The following CSMD3 variants were observed in gnomAD, a reference collection of about 807,000 sequenced individuals.
CSMD3 encodes the protein CUB and Sushi multiple domains 3, also known as CUB and sushi domain-containing protein 3.
A neutral mutation model predicts 435.2 loss-of-function variants in CSMD3; 177 were observed. The ratio of observed to expected loss-of-function variants is 0.41; its 90% CI spans 0.36 to 0.46. The LOEUF is 0.46. Ranked by LOEUF, CSMD3 falls within the 20% of genes least tolerant of loss-of-function variation. CSMD3 has a pLI of 0.34. For missense variants in CSMD3, 4,265 were observed against 4,504.6 expected, an observed-to-expected ratio of 0.95 and a Z score of 1.52; for synonymous variants, 1,656 against 1,520.5, an observed-to-expected ratio of 1.09 and a Z score of -2.07.
At chr8:112,540,186 C>T (rs1826525688) in intron 27 of CSMD3, among the ~76,000 whole-genome samples, 1 of 151,730 alleles carries the variant, frequency 6.6e-6, no homozygotes, top group Non-Finnish European at 1.5e-5. Context: ...GAAAAAAATG[C>T]TTAACATTAC....
intron 5 of CSMD3, among the ~76,000 whole-genome samples, chr8:113,089,060 T>C (rs1327976574): frequency 6.6e-6 from 1 of 152,072 alleles, no homozygotes; most frequent in South Asian, 2.1e-4. Flanking sequence ...CTTTTGGAGA[T>C]AGGGTCTTGC....
intron 32 of CSMD3, among the ~76,000 whole-genome samples, chr8:112,448,795 G>T (rs1357274833): frequency 9.3e-5 from 14 of 150,516 alleles, no homozygotes; most frequent in African/African-American, 2.9e-4. Flanking sequence ...ACCTCTACTG[G>T]AGTTCTAGGA....
At chr8:113,183,536 G>T (rs2092453898) in intron 3 of CSMD3, among the ~76,000 whole-genome samples, 1 of 151,890 alleles carries the variant, frequency 6.6e-6, no homozygotes, top group South Asian at 2.1e-4. Context: ...TGGCCCCAAG[G>T]CTGCCTTCCA....
chr8:112,947,595 A>C (rs2083656739), intron 9 of CSMD3, among the ~76,000 whole-genome samples, 195 bp downstream of exon 9: 2 of 151,778 alleles, frequency 1.3e-5, no homozygotes, highest in Non-Finnish European at 3.0e-5. Flanking sequence ...ACTAAAAAAA[A>C]AGTGTTCTAA....
intron 28 of CSMD3, among the ~76,000 whole-genome samples, chr8:112,511,392 T>C (rs1431892115): frequency 5.6e-4 from 78 of 140,282 alleles, no homozygotes; most frequent in South Asian, 2.3e-3. Flanking sequence ...TTCTTTTTTT[T>C]TTTTTTTTTT....
intron 32 of CSMD3, among the ~76,000 whole-genome samples, chr8:112,420,681 AC>A: frequency 6.6e-6 from 1 of 152,318 alleles, no homozygotes; most frequent in African/African-American, 2.4e-5. Context: ...ACAAAATTTT[AC>A]TGGCATCTAG....
chr8:113,111,431 A>C (rs930398851), intron 4 of CSMD3, among the ~76,000 whole-genome samples: 5 of 152,048 alleles, frequency 3.3e-5, no homozygotes, highest in African/African-American at 4.8e-5. Flanking sequence ...TGTGCAATAG[A>C]TCTTAAAACT....
At chr8:113,204,777 T>G (rs1020154928) in intron 3 of CSMD3, among the ~76,000 whole-genome samples, 1 of 152,196 alleles carries the variant, frequency 6.6e-6, no homozygotes, top group Non-Finnish European at 1.5e-5. Context: ...GTATTCAGTA[T>G]GGTAACATGC....
intron 42 of CSMD3, among the ~76,000 whole-genome samples, chr8:112,337,957 A>C (rs1439366589): frequency 6.6e-6 from 1 of 152,206 alleles, no homozygotes; most frequent in Non-Finnish European, 1.5e-5. Context: ...ATAAAAACGC[A>C]TGCTTTCTTC....
chr8:113,110,007 G>A (rs1312011118), intron 4 of CSMD3, among the ~76,000 whole-genome samples: 1 of 152,202 alleles, frequency 6.6e-6, no homozygotes, highest in African/African-American at 2.4e-5. Flanking sequence ...GTTTCCATAA[G>A]TATCCCCAGT....
At chr8:112,798,832 T>C (rs2078890656) in intron 13 of CSMD3, among the ~76,000 whole-genome samples, 2 of 151,964 alleles carry the variant, frequency 1.3e-5, no homozygotes, top group South Asian at 4.1e-4. Flanking sequence ...CACAGGAATA[T>C]AAGAATGCCA....
chr8:112,898,867 C>T (rs992065179), intron 10 of CSMD3, among the ~76,000 whole-genome samples: 2 of 151,018 alleles, frequency 1.3e-5, no homozygotes, highest in African/African-American at 4.8e-5. Context: ...TTGGACAACA[C>T]CAAGGGAAAC....
At position 112,406,677 on chromosome 8, in the gene CSMD3, A is replaced by G; in HGVS notation, c.5656T>C (p.Phe1886Leu). 6.2e-7 allele frequency: 1 copy of G among 1,612,046 alleles called. No homozygotes were observed. The highest frequency in any genetic ancestry group is 8.5e-7 in the Non-Finnish European group (1 of 1,178,580). Residue 1886 changes from phenylalanine to leucine, a missense_variant, in exon 35 of 71, where the codon TTC becomes CTC. This residue lies in a region of CSMD3 where 3,255 missense variants were observed against 3,380.2 expected (regional missense o/e 0.96). Coordinates refer to ENST00000297405, the MANE Select transcript of CSMD3 (RefSeq NM_198123.2). ...AATTCATTGCCAATTCTTCTTCCGAATCTTGGTTCAGGCACAGAACTGCAT... is the reference window on the plus strand; with the variant it reads ...AATTCATTGCCAATTCTTCTTCCGAGTCTTGGTTCAGGCACAGAACTGCAT... ...TQCSSVPEPR[F>L]GRRIGNEFAV...
At chr8:112,355,429 A>G (rs938806945) in intron 38 of CSMD3, among the ~76,000 whole-genome samples, 1 of 152,206 alleles carries the variant, frequency 6.6e-6, no homozygotes, top group Non-Finnish European at 1.5e-5. Context: ...AGAATGGGAG[A>G]AAATGTTCAT....
intron 63 of CSMD3, among the ~76,000 whole-genome samples, 167 bp downstream of exon 63, chr8:112,254,086 T>A (rs1815548655): frequency 6.6e-6 from 1 of 152,044 alleles, no homozygotes; most frequent in Non-Finnish European, 1.5e-5. Flanking sequence ...AATTTTTTTT[T>A]CTAATTTCCT....
At chr8:112,870,260 G>A (rs2081094680) in intron 10 of CSMD3, among the ~76,000 whole-genome samples, 1 of 150,354 alleles carries the variant, frequency 6.7e-6, no homozygotes. Context: ...TCTCACGTCA[G>A]TCAGAATGGC....
intron 13 of CSMD3, among the ~76,000 whole-genome samples, chr8:112,788,486 T>C (rs28606505): frequency 0.38 from 58,163 of 151,924 alleles, 12,612 homozygotes; most frequent in African/African-American, 0.6. Context: ...TCACCGCCTC[T>C]GGAAATCTTT....
At chr8:112,935,655 C>G (rs1034651120) in intron 9 of CSMD3, among the ~76,000 whole-genome samples, 1 of 151,100 alleles carries the variant, frequency 6.6e-6, no homozygotes, top group African/African-American at 2.4e-5. Context: ...GCTATAATGA[C>G]TGGATTAGAG....
chr8:112,352,917 C>T (rs986319379), intron 38 of CSMD3, among the ~76,000 whole-genome samples: 2 of 151,498 alleles, frequency 1.3e-5, no homozygotes, highest in African/African-American at 4.8e-5. Flanking sequence ...ACTTTAAAAA[C>T]ATTCTTAGCA....
Sources: gnomAD v4.1 joint callset for allele counts (sites outside exome capture counted in the v4.1 genomes callset) on GRCh38, gnomAD v4.1.1 for gene constraint, gnomAD v4.1.1 regional missense constraint, MANE v1.5 for transcripts, NCBI Gene and HGNC (gene_info 2026-07-23, HGNC 2026-07-21) for gene names.